CDCP1: variants seen among roughly 807,000 people sequenced by gnomAD.
CDCP1 encodes CUB domain-containing protein 1.
A neutral mutation model predicts 60.2 loss-of-function variants in CDCP1; 29 were observed. That is an observed-to-expected ratio of 0.48 (90% CI 0.36 to 0.66). The LOEUF is 0.66. Among genes scored for constraint, CDCP1 ranks in the 30% least tolerant of loss-of-function variants. CDCP1 has a pLI of 0.00. For synonymous variants in CDCP1, 387 were observed against 431.1 expected (o/e 0.90, Z 1.27); for missense variants, 876 against 1,074.3 (o/e 0.82, Z 2.58).
chr3:45,124,766 C>T (rs1216090896), intron 1 of CDCP1, among the ~76,000 whole-genome samples: 1 of 152,146 alleles, frequency 6.6e-6, no homozygotes, highest in Non-Finnish European at 1.5e-5. Context: ...AAATACGTTT[C>T]ATTAAATTGT....
upstream of CDCP1, chr3:45,146,441 G>A (rs1356484120): frequency 1.8e-6 from 1 of 564,464 alleles, no homozygotes; most frequent in East Asian, 3.5e-5. Flanking sequence ...AGGATCGCGA[G>A]CTGACCCGGT....
intron 1 of CDCP1, among the ~76,000 whole-genome samples, chr3:45,122,424 G>A (rs1171784995): frequency 1.3e-5 from 2 of 151,342 alleles, no homozygotes; most frequent in African/African-American, 2.4e-5. Context: ...GATTACAGGC[G>A]TGAGCCATTG....
chr3:45,110,512 G>A lies in CDCP1; in HGVS notation c.985C>T (p.Gln329Ter), dbSNP rs1231660557. Reference protein sequence around the residue: ...DAQSPGILRLQFQVLVQHPQN... With the variant: ...DAQSPGILRL ...GGATGTTGGACCAAAACTTGGAACT[G>A]CAGCCGGAGGATCCCTGGACTTTGG... The change falls in exon 4 of 9, where the codon CAG becomes TAG. Residue 329 changes from glutamine (Q) to a stop codon, truncating the protein, a stop_gained. Coordinates refer to ENST00000296129, the MANE Select transcript of CDCP1 (RefSeq NM_022842.5). LOFTEE classifies it high-confidence loss of function. The A allele has an allele frequency of 5.6e-6, 9 of 1,614,102 alleles. No individual in the cohort carries two copies. Among genetic ancestry groups the A allele is most frequent in the Non-Finnish European group, 7.6e-6 (9 of 1,180,034 alleles).
chr3:45,133,170 C>A (rs1489272437), intron 1 of CDCP1, among the ~76,000 whole-genome samples: 3 of 152,024 alleles, frequency 2.0e-5, no homozygotes, highest in African/African-American at 7.2e-5. Context: ...TGAAAGCCAG[C>A]AAGGAAAGGG....
Position 45,083,261 on chromosome 3 carries a change from G to T in CDCP1, c.*2377C>A, listed in dbSNP as rs1698133135. 6.6e-6 allele frequency: 1 copy of T among 152,216 alleles called. No individual in the cohort carries two copies. Among genetic ancestry groups the T allele is most frequent in the Non-Finnish European group, 1.5e-5 (1 of 68,058 alleles). 9.4% of individuals were successfully genotyped at this position (152,216 alleles called of 1,614,324 possible). ...CAGCATCTCGGCTCACAAGGCCAAG[G>T]GTCACTGGGCAGGAACCAGACTTTC... On this transcript the variant is annotated 3_prime_UTR_variant, in exon 9 of 9. Transcript: ENST00000296129.
chr3:45,092,621 CA>C (rs1418954917), intron 6 of CDCP1, among the ~76,000 whole-genome samples: 9 of 152,202 alleles, frequency 5.9e-5, no homozygotes, highest in African/African-American at 1.7e-4. Flanking sequence ...AGGAAATAAA[CA>C]TCAAAGGTCT....
chr3:45,136,915 C>T (rs963114009), intron 1 of CDCP1, among the ~76,000 whole-genome samples: 1 of 152,124 alleles, frequency 6.6e-6, no homozygotes, highest in Non-Finnish European at 1.5e-5. Context: ...GGAGGAACTT[C>T]GCAGGGTGAT....
chr3:45,088,316 T>C (rs1698234827), intron 8 of CDCP1, among the ~76,000 whole-genome samples: 1 of 150,648 alleles, frequency 6.6e-6, no homozygotes, highest in African/African-American at 2.4e-5. Flanking sequence ...ATCCCGTTTC[T>C]ACAAAAAAAT....
At chr3:45,135,473 A>T (rs1289691640) in intron 1 of CDCP1, among the ~76,000 whole-genome samples, 1 of 152,180 alleles carries the variant, frequency 6.6e-6, no homozygotes, top group Non-Finnish European at 1.5e-5. Flanking sequence ...TGGAGTAATC[A>T]AGAATTTAAT....
At chr3:45,138,409 T>C (rs953502750) in intron 1 of CDCP1, among the ~76,000 whole-genome samples, 1 of 152,252 alleles carries the variant, frequency 6.6e-6, no homozygotes, top group Non-Finnish European at 1.5e-5. Context: ...ATACAGACTA[T>C]GATAGCCTAT....
At chr3:45,143,482 G>A (rs1368868928) in intron 1 of CDCP1, among the ~76,000 whole-genome samples, 1 of 152,202 alleles carries the variant, frequency 6.6e-6, no homozygotes, top group African/African-American at 2.4e-5. Flanking sequence ...AACAACTGGG[G>A]ACTGGTTAAA....
At chr3:45,126,754 T>G (rs77725680) in intron 1 of CDCP1, among the ~76,000 whole-genome samples, 2,559 of 152,304 alleles carry the variant, frequency 0.017, 66 homozygotes, top group African/African-American at 0.056. Flanking sequence ...AACAAACATT[T>G]AATGATTCCT....
chr3:45,146,119 GC>G, intron 1 of CDCP1, 86 bp downstream of exon 1: 5 of 1,106,660 alleles, frequency 4.5e-6, no homozygotes, highest in Non-Finnish European at 5.1e-6. Flanking sequence ...TCCGCACCCT[GC>G]GTCCCTCGGC....
At chr3:45,108,334 A>C (rs1039098078) in intron 4 of CDCP1, among the ~76,000 whole-genome samples, 13 of 152,150 alleles carry the variant, frequency 8.5e-5, no homozygotes, top group African/African-American at 3.1e-4. Flanking sequence ...ACTCCGCTAG[A>C]AACAGTGCAA....
At chr3:45,120,053 G>T (rs765099103) in intron 1 of CDCP1, among the ~76,000 whole-genome samples, 3 of 152,204 alleles carry the variant, frequency 2.0e-5, no homozygotes, top group Non-Finnish European at 4.4e-5. Flanking sequence ...TCCATTGACA[G>T]AATAGGCCAT....
At chr3:45,098,394 T>C (rs1210219582) in intron 4 of CDCP1, among the ~76,000 whole-genome samples, 1 of 152,038 alleles carries the variant, frequency 6.6e-6, no homozygotes, top group Non-Finnish European at 1.5e-5. Context: ...AAAAAAGATA[T>C]GGAGAGAAAT....
chr3:45,119,412 A>G (rs1158929987), intron 1 of CDCP1, among the ~76,000 whole-genome samples: 5 of 152,174 alleles, frequency 3.3e-5, no homozygotes, highest in Non-Finnish European at 7.3e-5. Context: ...CTTTCTCCTT[A>G]GCTGACACTG....
chr3:45,092,417 C>G (rs188676627), intron 6 of CDCP1, among the ~76,000 whole-genome samples: 20 of 152,172 alleles, frequency 1.3e-4, no homozygotes, highest in Non-Finnish European at 2.8e-4. Context: ...CCTGACACGT[C>G]AACTAATCCC....
intron 5 of CDCP1, among the ~76,000 whole-genome samples, chr3:45,094,715 T>A (rs1490385530): frequency 3.6e-5 from 2 of 55,284 alleles, no homozygotes; most frequent in Non-Finnish European, 6.8e-5. Context: ...GGGTGTGGGG[T>A]GTGGGGGGAT....
Sources: gnomAD v4.1 joint callset for allele counts (sites outside exome capture counted in the v4.1 genomes callset) on GRCh38, gnomAD v4.1.1 for gene constraint, MANE v1.5 for transcripts, NCBI Gene and HGNC (gene_info 2026-07-23, HGNC 2026-07-21) for gene names.